The following OCIAD2 variants were observed in gnomAD, a reference collection of about 807,000 sequenced individuals.
The protein encoded by OCIAD2 is OCIA domain-containing protein 2.
In OCIAD2, 29 loss-of-function variants were observed where a neutral mutation model predicts 22.9. That is an observed-to-expected ratio of 1.27 (90% CI 0.94 to 1.73). The LOEUF (loss-of-function observed/expected upper bound fraction) is 1.73, where lower values mean the gene tolerates loss of function less well. OCIAD2 is among the 40% of genes most tolerant of loss of function. OCIAD2 has a pLI of 0.00. For synonymous variants in OCIAD2, 67 were observed against 60.2 expected (o/e 1.11, Z -0.52); for missense variants, 189 against 180.3 (o/e 1.05, Z -0.28).
chr4:48,899,359 G>A (rs770635331), intron 3 of OCIAD2, among the ~76,000 whole-genome samples: 10 of 152,158 alleles, frequency 6.6e-5, no homozygotes, highest in Non-Finnish European at 1.3e-4. Context: ...CAGTGTAAGC[G>A]AAGTATTAAT....
At chr4:48,897,739 G>T in intron 4 of OCIAD2, 65 bp downstream of exon 4, 1 of 1,232,058 alleles carries the variant, frequency 8.1e-7, no homozygotes, top group Non-Finnish European at 1.2e-6. Flanking sequence ...CCAAAAAGCT[G>T]CCAGGAGGGT....
intron 6 of OCIAD2, among the ~76,000 whole-genome samples, chr4:48,889,106 A>G (rs1450270398): frequency 6.6e-6 from 1 of 151,994 alleles, no homozygotes; most frequent in South Asian, 2.1e-4. Context: ...TTTCTTCTAG[A>G]TTTTCTAGTT....
intron 2 of OCIAD2, among the ~76,000 whole-genome samples, chr4:48,904,021 A>G (rs1385114722): frequency 6.6e-6 from 1 of 152,162 alleles, no homozygotes; most frequent in Non-Finnish European, 1.5e-5. Context: ...CTGAAAACAC[A>G]CTTTCCTTCC....
chr4:48,894,550 A>G (rs1025812831), intron 4 of OCIAD2, among the ~76,000 whole-genome samples: 1 of 152,208 alleles, frequency 6.6e-6, no homozygotes, highest in African/African-American at 2.4e-5. Flanking sequence ...GAACTCCCAG[A>G]TAGTCATTTT....
chr4:48,893,991 A>G lies in OCIAD2; in HGVS notation c.265+15T>C. 6.7e-7 allele frequency: 1 copy of G among 1,498,900 alleles called. No homozygotes were observed. The allele number at this position is 1,498,900 out of a possible 1,614,324, so 92.9% of individuals were successfully genotyped here. A position where few individuals can be genotyped will look rare whatever the true frequency, so the allele number is the denominator to read the frequency against. On this transcript the variant is annotated intron_variant, in intron 5 of 6. Transcript: ENST00000508632. ...GCCACCACACTTGGCTTGCTTTTTT[A>G]TTTCTATGACTTACGTGCAACTTTG...
intron 2 of OCIAD2, among the ~76,000 whole-genome samples, chr4:48,900,482 T>C (rs1781392158): frequency 1.3e-5 from 2 of 152,172 alleles, no homozygotes; most frequent in African/African-American, 4.8e-5. Flanking sequence ...ATGCTTTTTT[T>C]TTTACACATT....
rs202013966 is a variant in OCIAD2, at chr4:48,885,464, G to C, written c.*20C>G. The C allele has an allele frequency of 6.8e-7, 1 of 1,467,348 alleles. No homozygotes were observed. The highest frequency in any genetic ancestry group is 1.2e-5 in the South Asian group (1 of 86,036). 90.9% of individuals were successfully genotyped at this position (1,467,348 alleles called of 1,614,324 possible). On this transcript the variant is annotated 3_prime_UTR_variant, in exon 7 of 7. Coordinates refer to ENST00000508632, the MANE Select transcript of OCIAD2 (RefSeq NM_001014446.3). ...CAAATTCAGAGGTTTAAAAAACTTC[G>C]AAAGTCACAGACACAGAATTTAGGA...
At chr4:48,893,099 C>T in intron 5 of OCIAD2, 1 of 385,686 alleles carries the variant, frequency 2.6e-6, no homozygotes, top group Non-Finnish European at 4.7e-6. Context: ...GGTGGAAGGG[C>T]CAGGACAGAG....
At chr4:48,888,472 T>A (rs556873929) in intron 6 of OCIAD2, among the ~76,000 whole-genome samples, 7 of 152,206 alleles carry the variant, frequency 4.6e-5, no homozygotes, top group Non-Finnish European at 5.9e-5. Flanking sequence ...GGCTGTGGGT[T>A]TGTCATAAAT....
chr4:48,901,217 C>G (rs1297776119), intron 2 of OCIAD2, among the ~76,000 whole-genome samples: 2 of 151,956 alleles, frequency 1.3e-5, no homozygotes, highest in Non-Finnish European at 2.9e-5. Context: ...TTCATCTAGT[C>G]TGCTGCTTCT....
In OCIAD2 at chr4:48,885,550, G is replaced by A. The variant is rs766867533; in HGVS notation, c.399C>T (p.Thr133=). Residue 133 remains threonine (T), a synonymous_variant, in exon 7 of 7, where the codon ACC becomes ACT. Transcript: ENST00000508632. ...CATGCTTTATTTTGCATTCCTCACA[G>A]GTAAGGAGGCAGTGCCTAGAAGAGA... ...GPQHNRHCLL[T]CEECKIKHGL... 2 of 1,606,246 alleles carry A rather than the reference G, an allele frequency of 1.2e-6. No homozygotes were observed. Among genetic ancestry groups the A allele is most frequent in the Non-Finnish European group, 1.7e-6 (2 of 1,172,850 alleles).
intron 2 of OCIAD2, among the ~76,000 whole-genome samples, chr4:48,900,923 G>A (rs1221052101): frequency 6.6e-6 from 1 of 152,006 alleles, no homozygotes; most frequent in South Asian, 2.1e-4. Flanking sequence ...AAGTTCATAT[G>A]CTATCATCTA....
At chr4:48,891,662 G>A (rs1387391798) in intron 6 of OCIAD2, among the ~76,000 whole-genome samples, 1 of 152,206 alleles carries the variant, frequency 6.6e-6, no homozygotes. Context: ...TCCTTTACTT[G>A]TGCTACTTTT....
intron 6 of OCIAD2, among the ~76,000 whole-genome samples, chr4:48,887,381 C>G: frequency 6.6e-6 from 1 of 152,138 alleles, no homozygotes; most frequent in East Asian, 1.9e-4. Flanking sequence ...GTTGCCATTG[C>G]TTTTGGTGTT....
At chr4:48,889,461 C>T (rs1458921772) in intron 6 of OCIAD2, among the ~76,000 whole-genome samples, 1 of 152,182 alleles carries the variant, frequency 6.6e-6, no homozygotes, top group Non-Finnish European at 1.5e-5. Flanking sequence ...TGAACAGACA[C>T]TTCTTAAAAG....
chr4:48,888,980 G>A (rs1215908165), intron 6 of OCIAD2, among the ~76,000 whole-genome samples: 1 of 152,068 alleles, frequency 6.6e-6, no homozygotes, highest in African/African-American at 2.4e-5. Context: ...ACTTTTTTTG[G>A]TTGGTAAGCT....
In OCIAD2 at chr4:48,904,574, C is replaced by A; in HGVS notation, c.-25G>T. On this transcript the variant is annotated 5_prime_UTR_variant, in exon 2 of 7. Transcript: ENST00000508632. Reference sequence around the variant, plus strand: ...TGATGACTTTGTGCTTGCTCTCCTTCCAGTTGTTTATCCTCTGCTTACTCC... The same window carrying A: ...TGATGACTTTGTGCTTGCTCTCCTTACAGTTGTTTATCCTCTGCTTACTCC... 1 of 1,611,308 alleles carries A rather than the reference C, an allele frequency of 6.2e-7. No individual in the cohort carries two copies. The highest frequency in any genetic ancestry group is 8.5e-7 in the Non-Finnish European group (1 of 1,177,542).
At chr4:48,887,577 C>G (rs573977004) in intron 6 of OCIAD2, among the ~76,000 whole-genome samples, 4 of 152,144 alleles carry the variant, frequency 2.6e-5, no homozygotes, top group African/African-American at 9.7e-5. Flanking sequence ...TTTCCCAGCA[C>G]CATTTATTAA....
intron 4 of OCIAD2, among the ~76,000 whole-genome samples, chr4:48,894,935 G>T (rs1781270045): frequency 6.6e-6 from 1 of 152,168 alleles, no homozygotes. Flanking sequence ...AACTAATGTT[G>T]CTAATCAGAT....
Sources: gnomAD v4.1 joint callset for allele counts (sites outside exome capture counted in the v4.1 genomes callset) on GRCh38, gnomAD v4.1.1 for gene constraint, MANE v1.5 for transcripts, NCBI Gene and HGNC (gene_info 2026-07-23, HGNC 2026-07-21) for gene names.